Variants in METTL16 observed in about 807,000 individuals in gnomAD.
METTL16 encodes methyltransferase 16, RNA N6-adenosine.
Under a neutral mutation model 57.9 loss-of-function variants are expected in METTL16, and 19 were observed. The ratio of observed to expected loss-of-function variants is 0.33; its 90% CI spans 0.23 to 0.48. METTL16 has a LOEUF of 0.48. Ranked by LOEUF, METTL16 falls within the 20% of genes least tolerant of loss-of-function variation. METTL16 has a pLI of 0.99. For synonymous variants in METTL16, 246 were observed against 255.6 expected (o/e 0.96, Z 0.36); for missense variants, 434 against 691.5 (o/e 0.63, Z 4.18).
At chr17:2,477,448 A>T in intron 3 of METTL16, 1 of 486,304 alleles carries the variant, frequency 2.1e-6, no homozygotes, top group Non-Finnish European at 3.7e-6. Flanking sequence ...CAGGCTGAAC[A>T]TCCCTAACCC....
chr17:2,456,279 G>C (rs578159407), intron 6 of METTL16, among the ~76,000 whole-genome samples: 5 of 151,972 alleles, frequency 3.3e-5, no homozygotes, highest in African/African-American at 1.2e-4. Context: ...CACCTTTACT[G>C]ACTGACAACC....
intron 1 of METTL16, among the ~76,000 whole-genome samples, chr17:2,503,844 G>A (rs896445541): frequency 6.6e-6 from 1 of 151,640 alleles, no homozygotes; most frequent in Non-Finnish European, 1.5e-5. Context: ...ACTAAATATG[G>A]ATCAACAAAA....
chr17:2,502,637 G>A (rs1235399541), intron 1 of METTL16, among the ~76,000 whole-genome samples: 3 of 151,722 alleles, frequency 2.0e-5, no homozygotes, highest in South Asian at 4.2e-4. Flanking sequence ...GCAGTGAGCC[G>A]AGATCACGCC....
chr17:2,466,457 C>T lies in METTL16; in HGVS notation c.585+1304G>A, dbSNP rs568715620. On this transcript the variant is annotated intron_variant, in intron 5 of 9. Transcript: ENST00000263092. The stretch of plus-strand genomic sequence containing the variant: ...AGAAAAACAGAGCTCTTAATACTGC[C>T]AACACCTTAATCAAGTCATTATGAA... Among the ~76,000 whole-genome samples, 31 of 152,270 alleles carry T rather than the reference C, an allele frequency of 2.0e-4. No individual in the cohort carries two copies. The South Asian group carries it at 6.4e-3, about 32-fold the overall frequency.
intron 2 of METTL16, among the ~76,000 whole-genome samples, chr17:2,491,858 G>A (rs1367259182): frequency 7.6e-4 from 95 of 124,856 alleles, no homozygotes; most frequent in African/African-American, 2.9e-3. Context: ...CTGGGCGACA[G>A]AGCGAGACAC....
chr17:2,488,525 C>CTCCA (rs1335812301), intron 2 of METTL16, among the ~76,000 whole-genome samples: 3 of 151,808 alleles, frequency 2.0e-5, no homozygotes, highest in African/African-American at 7.3e-5. Flanking sequence ...TGCCACTGCA[C>CTCCA]TCCAGCCTGG....
At chr17:2,492,273 A>G (rs966180432) in intron 2 of METTL16, among the ~76,000 whole-genome samples, 1 of 152,180 alleles carries the variant, frequency 6.6e-6, no homozygotes, top group African/African-American at 2.4e-5. Context: ...TTCAAGCTGA[A>G]CTGACAGTGC....
chr17:2,467,640 C>A (rs1039983908), intron 5 of METTL16, 121 bp downstream of exon 5: 120 of 660,640 alleles, frequency 1.8e-4, no homozygotes, highest in South Asian at 8.0e-4. Context: ...GTTGGCCAGG[C>A]TGGTCTCAAA....
chr17:2,447,738 AG>A (rs2067018083), intron 6 of METTL16, among the ~76,000 whole-genome samples: 1 of 54,768 alleles, frequency 1.8e-5, no homozygotes, highest in Non-Finnish European at 3.6e-5. Context: ...CCAGCCGCCC[AG>A]TCCGGGAGGG....
intron 2 of METTL16, among the ~76,000 whole-genome samples, chr17:2,488,280 G>A (rs554688005): frequency 1.1e-4 from 17 of 152,260 alleles, no homozygotes; most frequent in Non-Finnish European, 2.1e-4. Context: ...ATCCCAGCCC[G>A]GCGCAGTGGC....
chr17:2,507,685 A>AG (rs937036453), intron 1 of METTL16, among the ~76,000 whole-genome samples: 7 of 152,196 alleles, frequency 4.6e-5, no homozygotes, highest in African/African-American at 1.4e-4. Flanking sequence ...GGAATAGAAA[A>AG]GGGGGAAAGG....
chr17:2,437,506 A>C (rs755390276), intron 8 of METTL16, among the ~76,000 whole-genome samples: 24 of 151,598 alleles, frequency 1.6e-4, no homozygotes, highest in African/African-American at 5.9e-4. Flanking sequence ...ATGTTTCTAC[A>C]GGTTATGTTA....
Position 2,495,973 on chromosome 17 carries a change from G to T in METTL16, c.128+6231C>A, listed in dbSNP as rs988805680. Among the ~76,000 whole-genome samples the T allele has an allele frequency of 2.0e-5, 3 of 151,308 alleles. No homozygotes were observed. In the South Asian group the frequency reaches 6.2e-4, roughly 31 times the overall value. On this transcript the variant is annotated intron_variant, in intron 2 of 9. Coordinates refer to ENST00000263092, the MANE Select transcript of METTL16 (RefSeq NM_024086.4). The stretch of plus-strand genomic sequence containing the variant: ...AAAAATACAAAAATTATTTGGGCGT[G>T]GCAGTGCACACCTGTAATCCCAGCT...
At chr17:2,503,637 G>T (rs1464037215) in intron 1 of METTL16, among the ~76,000 whole-genome samples, 2 of 151,176 alleles carry the variant, frequency 1.3e-5, no homozygotes, top group Admixed American at 6.6e-5. Flanking sequence ...ACAAAACATG[G>T]TATATCCATA....
In METTL16 at chr17:2,420,349, C is replaced by T. The variant is rs201182820; in HGVS notation, c.1310G>A (p.Arg437Gln). The T allele has an allele frequency of 5.3e-5, 86 of 1,611,804 alleles. No homozygotes were observed. The highest frequency in any genetic ancestry group is 4.5e-5 in the East Asian group (2 of 44,898). The part of the protein sequence containing the change: ...QERTPCGPAL[R>Q]EGEAAAVEGP... ...CTCCACAGCGGCAGCCTCGCCTTCC[C>T]GCAGAGCAGGCCCACAGGGGGTCCT... The change falls in exon 10 of 10, where the codon CGG becomes CAG. Residue 437 changes from arginine (R) to glutamine (Q), a missense_variant. Transcript: ENST00000263092. The surrounding 1 kb of genome is among the most constrained non-coding windows in gnomAD (Gnocchi z 5.4).
At chr17:2,446,647 C>T (rs1181145523) in intron 6 of METTL16, among the ~76,000 whole-genome samples, 1 of 148,038 alleles carries the variant, frequency 6.8e-6, no homozygotes, top group Non-Finnish European at 1.5e-5. Flanking sequence ...CCACGGTCTC[C>T]CTCTGATGCC....
At chr17:2,469,674 A>G (rs577921816) in intron 4 of METTL16, among the ~76,000 whole-genome samples, 17 of 152,218 alleles carry the variant, frequency 1.1e-4, no homozygotes, top group African/African-American at 3.9e-4. Context: ...ACAGATGCCC[A>G]TCACCACGCC....
intron 6 of METTL16, among the ~76,000 whole-genome samples, chr17:2,463,961 C>T (rs2067171858): frequency 6.6e-6 from 1 of 151,762 alleles, no homozygotes; most frequent in African/African-American, 2.4e-5. Flanking sequence ...ACCCCCTTGT[C>T]TCTACTAGAA....
intron 2 of METTL16, among the ~76,000 whole-genome samples, chr17:2,489,248 C>G (rs8078450): frequency 0.67 from 101,201 of 151,904 alleles, 37,271 homozygotes; most frequent in East Asian, 0.82. Flanking sequence ...TGAAGCCAGG[C>G]CTTCAGGCTG....
Sources: gnomAD v4.1 joint callset for allele counts (sites outside exome capture counted in the v4.1 genomes callset) on GRCh38, gnomAD v4.1.1 for gene constraint, Gnocchi (gnomAD v3.1) non-coding constraint, MANE v1.5 for transcripts, NCBI Gene and HGNC (gene_info 2026-07-23, HGNC 2026-07-21) for gene names.